Variants in ARHGAP24 observed in about 807,000 individuals in gnomAD.
The protein encoded by ARHGAP24 is rho GTPase-activating protein 24.
ARHGAP24 carries 50 observed loss-of-function variants against 76.4 expected under a neutral mutation model. The observed-to-expected ratio is 0.65, with a 90% CI of 0.52 to 0.83. The LOEUF (loss-of-function observed/expected upper bound fraction) is 0.83, where lower values mean the gene tolerates loss of function less well. Among genes scored for constraint, ARHGAP24 ranks in the 40% least tolerant of loss-of-function variants. ARHGAP24 has a pLI of 0.00. For missense variants in ARHGAP24, 930 were observed against 914.2 expected (o/e 1.02, Z -0.22); for synonymous variants, 345 against 323.3 (o/e 1.07, Z -0.72).
At chr4:85,516,891 T>C (rs966404227) in intron 1 of ARHGAP24, among the ~76,000 whole-genome samples, 9 of 152,300 alleles carry the variant, frequency 5.9e-5, no homozygotes, top group African/African-American at 1.9e-4. Flanking sequence ...CTGCTAATAC[T>C]TTTATGATTT....
intron 2 of ARHGAP24, among the ~76,000 whole-genome samples, chr4:85,644,163 C>T (rs921082772): frequency 6.6e-6 from 1 of 152,078 alleles, no homozygotes; most frequent in African/African-American, 2.4e-5. Context: ...AACTATAAAA[C>T]GCTGAAACTA....
chr4:85,761,931 C>T (rs758494123), intron 3 of ARHGAP24, among the ~76,000 whole-genome samples: 6 of 152,068 alleles, frequency 3.9e-5, no homozygotes, highest in Admixed American at 1.3e-4. Context: ...CCATAGTAAC[C>T]GCTGTATTAT....
intron 3 of ARHGAP24, 184 bp downstream of exon 3, chr4:85,722,156 CA>C (rs1188199331): frequency 1.8e-6 from 1 of 568,318 alleles, no homozygotes; most frequent in African/African-American, 1.9e-5. Context: ...CACTCACACA[CA>C]CATACTCTGA....
At chr4:85,989,675 A>T (rs1428413804) in intron 8 of ARHGAP24, among the ~76,000 whole-genome samples, 1 of 151,726 alleles carries the variant, frequency 6.6e-6, no homozygotes, top group Non-Finnish European at 1.5e-5. Context: ...TATAAAAAGG[A>T]TAATAAATCA....
At chr4:85,613,862 T>C (rs781042661) in intron 2 of ARHGAP24, among the ~76,000 whole-genome samples, 3 of 152,184 alleles carry the variant, frequency 2.0e-5, no homozygotes, top group Non-Finnish European at 4.4e-5. Context: ...AAGCCAGTGA[T>C]ACATATATTA....
intron 3 of ARHGAP24, among the ~76,000 whole-genome samples, chr4:85,741,842 T>C (rs1725838654): frequency 6.6e-6 from 1 of 152,136 alleles, no homozygotes; most frequent in Admixed American, 6.6e-5. Flanking sequence ...TTTTTTTTCA[T>C]GTTTTGTGTT....
At chr4:85,688,440 TTTTG>T (rs903272263) in intron 2 of ARHGAP24, among the ~76,000 whole-genome samples, 14 of 152,130 alleles carry the variant, frequency 9.2e-5, no homozygotes, top group Admixed American at 2.0e-4. Flanking sequence ...CTGCTTGTTA[TTTTG>T]TTTAAGTTCC....
chr4:85,737,334 T>C (rs983129759), intron 3 of ARHGAP24, among the ~76,000 whole-genome samples: 1 of 152,176 alleles, frequency 6.6e-6, no homozygotes, highest in Non-Finnish European at 1.5e-5. Flanking sequence ...ATATCTCCTG[T>C]ACTTCCTGGA....
At chr4:85,493,235 C>G (rs1723427674) in intron 1 of ARHGAP24, among the ~76,000 whole-genome samples, 1 of 152,192 alleles carries the variant, frequency 6.6e-6, no homozygotes, top group African/African-American at 2.4e-5. Context: ...CTTTCTGTAA[C>G]TAATAAGCAT....
At chr4:85,837,714 T>A (rs919365084) in intron 3 of ARHGAP24, among the ~76,000 whole-genome samples, 1 of 152,146 alleles carries the variant, frequency 6.6e-6, no homozygotes, top group Non-Finnish European at 1.5e-5. Context: ...CCCACTCCCC[T>A]AAACTCCAGT....
rs146051389 is a variant in ARHGAP24 at position 85,555,537 on chromosome 4, G to A, written c.-20-14985G>A. Among the ~76,000 whole-genome samples, 518 of 152,280 alleles carry A rather than the reference G, an allele frequency of 3.4e-3. 2 individuals carry two copies. Among genetic ancestry groups the A allele is most frequent in the Admixed American group, 6.0e-3 (92 of 15,304 alleles). On this transcript the variant is annotated intron_variant, in intron 1 of 9. Coordinates refer to ENST00000395184, the MANE Select transcript of ARHGAP24 (RefSeq NM_001025616.3). ...CTGCTTTGTATTTCCTCATGACTGC[G>A]ATATGCTCCCTCTCTGTGCTCTAAG...
chr4:85,678,375 C>CA (rs1359679696), intron 2 of ARHGAP24, among the ~76,000 whole-genome samples: 12 of 152,206 alleles, frequency 7.9e-5, no homozygotes, highest in African/African-American at 2.6e-4. Context: ...GTCTCTAAAA[C>CA]AAACAAACAA....
At chr4:85,573,299 A>G (rs1176895559) in intron 2 of ARHGAP24, among the ~76,000 whole-genome samples, 2 of 152,266 alleles carry the variant, frequency 1.3e-5, no homozygotes, top group East Asian at 3.8e-4. Context: ...ATACAAATTC[A>G]GATTAAGAAC....
chr4:85,617,934 A>C (rs2110001017), intron 2 of ARHGAP24, among the ~76,000 whole-genome samples: 1 of 152,306 alleles, frequency 6.6e-6, no homozygotes, highest in Middle Eastern at 3.4e-3. Context: ...CTGTGAAGTG[A>C]TTACCACTAT....
chr4:85,890,341 T>A (rs1345995400), intron 3 of ARHGAP24, among the ~76,000 whole-genome samples: 1 of 152,172 alleles, frequency 6.6e-6, no homozygotes, highest in African/African-American at 2.4e-5. Context: ...CCTTACTGAG[T>A]TCCTATTGTG....
intron 3 of ARHGAP24, among the ~76,000 whole-genome samples, chr4:85,782,759 G>A (rs1000015520): frequency 2.0e-5 from 3 of 152,200 alleles, no homozygotes; most frequent in African/African-American, 7.2e-5. Context: ...ACTCAAGTAT[G>A]TTCCTACATA....
chr4:85,886,349 G>A (rs1361152439), intron 3 of ARHGAP24, among the ~76,000 whole-genome samples: 1 of 152,088 alleles, frequency 6.6e-6, no homozygotes, highest in Non-Finnish European at 1.5e-5. Flanking sequence ...CTGCCCCATG[G>A]GTAGAGTATA....
At chr4:85,807,550 AT>A (rs1689501923) in intron 3 of ARHGAP24, among the ~76,000 whole-genome samples, 1 of 152,034 alleles carries the variant, frequency 6.6e-6, no homozygotes, top group South Asian at 2.1e-4. Flanking sequence ...TCCTTGCCTT[AT>A]TTTTCCACCC....
intron 1 of ARHGAP24, among the ~76,000 whole-genome samples, chr4:85,502,538 A>G (rs1015892791): frequency 6.6e-6 from 1 of 152,178 alleles, no homozygotes; most frequent in Non-Finnish European, 1.5e-5. Flanking sequence ...ATTGGTGTAT[A>G]GGAATGCTTG....
Sources: allele counts gnomAD v4.1 joint callset (sites outside exome capture counted in the v4.1 genomes callset), GRCh38; gene constraint gnomAD v4.1.1; transcripts MANE v1.5; gene names NCBI Gene and HGNC (gene_info 2026-07-23, HGNC 2026-07-21).